The following DNMT3A variants were observed in gnomAD, a reference collection of about 807,000 sequenced individuals.
DNMT3A encodes DNA methyltransferase 3 alpha, also known as DNA (cytosine-5)-methyltransferase 3A.
DNMT3A carries 267 observed loss-of-function variants against 117.6 expected under a neutral mutation model. That is an observed-to-expected ratio of 2.27 (90% CI 2.05 to 2.51). DNMT3A has a LOEUF of 2.51. DNMT3A is among the 30% of genes most tolerant of loss of function. The pLI, the probability that DNMT3A is intolerant of heterozygous loss-of-function variation, is 0.00. For synonymous variants in DNMT3A, 432 were observed against 474.8 expected (o/e 0.91, Z 1.17); for missense variants, 1,029 against 1,260.2 (o/e 0.82, Z 2.78).
Position 25,306,418 on chromosome 2 carries a change from A to T in DNMT3A, c.73-6175T>A, listed in dbSNP as rs545347036. Reference sequence around the variant, plus strand: ...CCATTGACTGCTTAGGTCGTGTCATAATTACCGAGGAAAGCCTTCCATCCT... The same window carrying T: ...CCATTGACTGCTTAGGTCGTGTCATTATTACCGAGGAAAGCCTTCCATCCT... On this transcript the variant is annotated intron_variant, in intron 2 of 22. Coordinates refer to ENST00000321117, the MANE Select transcript of DNMT3A (RefSeq NM_022552.5). This position sits in a 1 kb window ranked among gnomAD's most constrained non-coding sequence, Gnocchi z 4.1. Among the ~76,000 whole-genome samples, 41 of 152,274 alleles carry T rather than the reference A, an allele frequency of 2.7e-4. No individual in the cohort carries two copies. Among genetic ancestry groups the T allele is most frequent in the African/African-American group, 9.1e-4 (38 of 41,542 alleles).
intron 3 of DNMT3A, 86 bp downstream of exon 3, chr2:25,300,053 G>T: frequency 7.0e-7 from 1 of 1,424,056 alleles, no homozygotes; most frequent in Non-Finnish European, 9.5e-7. Flanking sequence ...CCAGGTCCCT[G>T]CAGGACATAC....
At chr2:25,291,637 C>T (rs2032774054) in intron 3 of DNMT3A, among the ~76,000 whole-genome samples, 1 of 152,372 alleles carries the variant, frequency 6.6e-6, no homozygotes, top group East Asian at 1.9e-4. Context: ...CCAGCCTGGG[C>T]ACCCCCTCCA....
chr2:25,265,877 A>C (rs2030291433), intron 6 of DNMT3A, among the ~76,000 whole-genome samples: 2 of 152,072 alleles, frequency 1.3e-5, no homozygotes, highest in African/African-American at 4.8e-5. Context: ...GGTGAAAGCT[A>C]ATGCTCCTGG....
chr2:25,317,403 C>T (rs2034426000), intron 1 of DNMT3A, among the ~76,000 whole-genome samples: 1 of 152,080 alleles, frequency 6.6e-6, no homozygotes. Flanking sequence ...TTAGGCTGAA[C>T]AAGAGAAGGA....
intron 1 of DNMT3A, among the ~76,000 whole-genome samples, chr2:25,340,796 C>T (rs1417419878): frequency 6.7e-6 from 1 of 150,348 alleles, no homozygotes; most frequent in African/African-American, 2.4e-5. Flanking sequence ...CCGGGCGTAC[C>T]CCCCCTGCGC....
At chr2:25,303,981 A>G (rs2033658326) in intron 2 of DNMT3A, among the ~76,000 whole-genome samples, 1 of 152,234 alleles carries the variant, frequency 6.6e-6, no homozygotes, top group Admixed American at 6.5e-5. Context: ...TGCTTATCAA[A>G]TCTGCAAGTA....
chr2:25,269,921 A>T (rs893572157), intron 6 of DNMT3A, among the ~76,000 whole-genome samples: 2 of 151,966 alleles, frequency 1.3e-5, no homozygotes, highest in Non-Finnish European at 2.9e-5. Flanking sequence ...AATCTGGGAG[A>T]GGCTCACTCA....
In DNMT3A at chr2:25,327,691, C is replaced by T. The variant is rs562237584; in HGVS notation, c.-177-13530G>A. ...AGACACCTGGGCATAAGTTAACATA[C>T]GCCTCCTACTGCCAGGGGCTCCAGC... On this transcript the variant is annotated intron_variant, in intron 1 of 22. Coordinates refer to ENST00000321117, the MANE Select transcript of DNMT3A (RefSeq NM_022552.5). This position sits in a 1 kb window ranked among gnomAD's most constrained non-coding sequence, Gnocchi z 4.1. 5.3e-5 allele frequency among the ~76,000 whole-genome samples: 8 copies of T among 152,342 alleles called. No homozygotes were observed. Among genetic ancestry groups the T allele is most frequent in the Middle Eastern group, 3.4e-3 (1 of 294 alleles).
chr2:25,341,497 C>A lies in DNMT3A; in HGVS notation c.-178+329G>T, dbSNP rs1021306054. ...GCAGGCCGGCGGTGGAGGGGCCCCC[C>A]GCGGCATTGTATAGACTTGAACTTG... is the stretch of plus-strand genomic sequence containing the variant. On this transcript the variant is annotated intron_variant, in intron 1 of 22. Transcript: ENST00000321117. 1.3e-3 allele frequency among the ~76,000 whole-genome samples: 183 copies of A among 145,910 alleles called. 1 individual carries two copies. Among genetic ancestry groups the A allele is most frequent in the African/African-American group, 3.7e-3 (151 of 40,762 alleles).
intron 1 of DNMT3A, among the ~76,000 whole-genome samples, chr2:25,338,611 C>CGGA (rs1460096743): frequency 1.3e-5 from 2 of 152,142 alleles, no homozygotes; most frequent in Non-Finnish European, 2.9e-5. Context: ...CAGACACCCT[C>CGGA]GGAGGCCTCA....
In DNMT3A at chr2:25,246,991, A is replaced by G. The variant is rs1377483120; in HGVS notation, c.1122+60T>C. On this transcript the variant is annotated intron_variant, in intron 9 of 22. Transcript: ENST00000321117. ...TCTGCTCAAGCCCGACCTGCACTCC[A>G]ACTTCCAGGCCTCCTAGTGCTCTAG... 29 of 1,575,286 alleles carry G rather than the reference A, an allele frequency of 1.8e-5. 1 individual carries two copies. The Admixed American group carries it at 4.7e-4, about 26-fold the overall frequency.
chr2:25,256,829 T>A (rs568240313), intron 6 of DNMT3A, among the ~76,000 whole-genome samples: 148 of 152,334 alleles, frequency 9.7e-4, no homozygotes, highest in Non-Finnish European at 1.7e-3. Context: ...TACTCATCTT[T>A]CTCCTTTACA....
rs897340651 is a variant in DNMT3A, at chr2:25,252,987, G to A, written c.640-4735C>T. On this transcript the variant is annotated intron_variant, in intron 6 of 22. Transcript: ENST00000321117. This position sits in a 1 kb window ranked among gnomAD's most constrained non-coding sequence, Gnocchi z 5.5. ...GAGGAGGTCAGGCTTCGAGTCCCAG[G>A]GCCCCTGCGTCACTCTGGGCCTTCC... Among the ~76,000 whole-genome samples, 7 of 152,148 alleles carry A rather than the reference G, an allele frequency of 4.6e-5. No homozygotes were observed. The highest frequency in any genetic ancestry group is 7.4e-5 in the Non-Finnish European group (5 of 68,024).
chr2:25,270,542 G>A (rs946611177), intron 6 of DNMT3A, among the ~76,000 whole-genome samples: 2 of 152,314 alleles, frequency 1.3e-5, no homozygotes, highest in Non-Finnish European at 2.9e-5. Context: ...ATTGCCTGGG[G>A]AACAGCTGGA....
At chr2:25,284,122 AC>A (rs1367847693) in intron 3 of DNMT3A, among the ~76,000 whole-genome samples, 2 of 152,206 alleles carry the variant, frequency 1.3e-5, no homozygotes, top group African/African-American at 4.8e-5. Context: ...ACCCACAGGC[AC>A]CAGGCTGCAC....
At position 25,257,109 on chromosome 2, in the gene DNMT3A, A is replaced by G. The variant is rs1305079787; in HGVS notation, c.640-8857T>C. On this transcript the variant is annotated intron_variant, in intron 6 of 22. Transcript: ENST00000321117. The surrounding 1 kb of genome is among the most constrained non-coding windows in gnomAD (Gnocchi z 4.8). ...TCCTATTCCCTTGCAATCCATATGG[A>G]GGTTGCAAGCAAATGACCAGGACTG... 6.6e-6 allele frequency among the ~76,000 whole-genome samples: 1 copy of G among 152,194 alleles called. No homozygotes were observed. Among genetic ancestry groups the G allele is most frequent in the Non-Finnish European group, 1.5e-5 (1 of 68,028 alleles).
At chr2:25,340,782 G>T (rs1452719462) in intron 1 of DNMT3A, among the ~76,000 whole-genome samples, 11 of 151,210 alleles carry the variant, frequency 7.3e-5, no homozygotes, top group African/African-American at 2.2e-4. Context: ...CTGGAGGGGC[G>T]ACCCCGGGCG....
At chr2:25,292,788 T>C (rs1019054002) in intron 3 of DNMT3A, among the ~76,000 whole-genome samples, 3 of 152,064 alleles carry the variant, frequency 2.0e-5, no homozygotes, top group Admixed American at 6.6e-5. Flanking sequence ...CAAAATTCTC[T>C]AGGTGGGGAT....
intron 6 of DNMT3A, among the ~76,000 whole-genome samples, chr2:25,270,700 C>CAG (rs904076931): frequency 6.6e-6 from 1 of 151,952 alleles, no homozygotes; most frequent in Non-Finnish European, 1.5e-5. Context: ...ATGCAGCTAA[C>CAG]AGAGGTTGCC....
Sources: gnomAD v4.1 joint callset for allele counts (sites outside exome capture counted in the v4.1 genomes callset) on GRCh38, gnomAD v4.1.1 for gene constraint, Gnocchi (gnomAD v3.1) non-coding constraint, MANE v1.5 for transcripts, NCBI Gene and HGNC (gene_info 2026-07-23, HGNC 2026-07-21) for gene names.